The following LNP1 variants were observed in gnomAD, a reference collection of about 807,000 sequenced individuals.
LNP1 encodes the protein leukemia NUP98 fusion partner 1.
A neutral mutation model predicts 14.5 loss-of-function variants in LNP1; 12 were observed. The observed-to-expected ratio is 0.83, with a 90% confidence interval of 0.53 to 1.34. LNP1 has a LOEUF of 1.34. Ranked by LOEUF, LNP1 falls within the 40% of genes most tolerant of loss-of-function variation. LNP1 has a pLI of 0.00. For synonymous variants in LNP1, 75 were observed against 71.4 expected (o/e 1.05, Z -0.26); for missense variants, 198 against 210.9 (o/e 0.94, Z 0.38).
chr3:100,436,924 A>T (rs191839778), intron 2 of LNP1, among the ~76,000 whole-genome samples: 1 of 152,294 alleles, frequency 6.6e-6, no homozygotes, highest in East Asian at 1.9e-4. Flanking sequence ...ATATGCATTT[A>T]AAAAAGCAGT....
chr3:100,432,209 A>G (rs1451941082), intron 2 of LNP1, among the ~76,000 whole-genome samples: 1 of 151,372 alleles, frequency 6.6e-6, no homozygotes, highest in Non-Finnish European at 1.5e-5. Context: ...ATAATCTATA[A>G]CCATCAATAT....
chr3:100,435,828 T>G (rs867277897), intron 2 of LNP1, among the ~76,000 whole-genome samples: 2 of 152,210 alleles, frequency 1.3e-5, no homozygotes, highest in Non-Finnish European at 2.9e-5. Context: ...ATGTTCACTT[T>G]GGGATGGAGA....
At position 100,456,005 on chromosome 3, in the gene LNP1, G is replaced by T; in HGVS notation, c.*79G>T. 3.4e-6 allele frequency: 5 copies of T among 1,477,300 alleles called. No individual in the cohort carries two copies. Among genetic ancestry groups the T allele is most frequent in the South Asian group, 1.3e-5 (1 of 75,550 alleles). 91.5% of individuals were successfully genotyped at this position (1,477,300 alleles called of 1,614,324 possible). ...GAGCCCCAATTCACCATTTCAGGAT[G>T]TGGATGGGGGCGGGGTTGGGGGTAA... On this transcript the variant is annotated 3_prime_UTR_variant, in exon 4 of 4. Transcript: ENST00000383693.
chr3:100,406,306 G>A (rs1706965849), intron 1 of LNP1, among the ~76,000 whole-genome samples: 2 of 151,828 alleles, frequency 1.3e-5, no homozygotes, highest in African/African-American at 4.8e-5. Flanking sequence ...AAACCTCTCA[G>A]GTGTACACTT....
intron 1 of LNP1, among the ~76,000 whole-genome samples, chr3:100,409,591 C>CAT (rs1370879367): frequency 2.9e-4 from 28 of 95,006 alleles, no homozygotes; most frequent in Admixed American, 5.2e-4. Flanking sequence ...CACACACACA[C>CAT]ATATATATAT....
chr3:100,411,426 G>A (rs6780662), intron 1 of LNP1, among the ~76,000 whole-genome samples: 22,791 of 152,142 alleles, frequency 0.15, 3,154 homozygotes, highest in East Asian at 0.49. Context: ...AGCACATTAG[G>A]GTGGGATGAA....
chr3:100,444,463 T>C (rs1220126678), intron 2 of LNP1, among the ~76,000 whole-genome samples: 3 of 152,226 alleles, frequency 2.0e-5, no homozygotes, highest in African/African-American at 7.2e-5. Flanking sequence ...TATTTGATAA[T>C]GCTTCCTGTA....
intron 2 of LNP1, among the ~76,000 whole-genome samples, chr3:100,442,036 A>G (rs1707348634): frequency 6.6e-6 from 1 of 152,138 alleles, no homozygotes; most frequent in African/African-American, 2.4e-5. Context: ...TTTGCTTAGA[A>G]ATTCTTTCTC....
rs138298283 is a variant in LNP1, at chr3:100,442,935, A to G, written c.157-8784A>G. Among the ~76,000 whole-genome samples, 100 of 152,322 alleles carry G rather than the reference A, an allele frequency of 6.6e-4. 3 individuals carry two copies. In the East Asian group the frequency reaches 0.015, roughly 23 times the overall value. On this transcript the variant is annotated intron_variant, in intron 2 of 3. Transcript: ENST00000383693. ...AGCAAGTTGTGAAGTCTCATGTCCT[A>G]TGAAGAGAAAATAGGAGGAGGAAGG...
intron 1 of LNP1, among the ~76,000 whole-genome samples, chr3:100,408,098 A>G (rs746530254): frequency 9.9e-5 from 15 of 152,138 alleles, no homozygotes; most frequent in Admixed American, 6.5e-5. Context: ...TTTAGGGTCT[A>G]TGACTGGCAT....
chr3:100,433,190 A>G (rs1254777518), intron 2 of LNP1, among the ~76,000 whole-genome samples: 1 of 152,054 alleles, frequency 6.6e-6, no homozygotes, highest in Admixed American at 6.5e-5. Context: ...TGCATTAGGT[A>G]TTTGTCCTAA....
At chr3:100,418,128 C>T (rs1475754221) in intron 1 of LNP1, among the ~76,000 whole-genome samples, 1 of 146,544 alleles carries the variant, frequency 6.8e-6, no homozygotes, top group Non-Finnish European at 1.5e-5. Context: ...GGTGTGAGCT[C>T]GGCTCAATGC....
intron 1 of LNP1, among the ~76,000 whole-genome samples, chr3:100,407,957 A>T (rs907283605): frequency 1.3e-5 from 2 of 152,192 alleles, no homozygotes; most frequent in African/African-American, 4.8e-5. Flanking sequence ...TTTATCTGGT[A>T]AATTTCTCAT....
chr3:100,441,849 G>T (rs1248748440), intron 2 of LNP1, among the ~76,000 whole-genome samples: 1 of 151,910 alleles, frequency 6.6e-6, no homozygotes, highest in Non-Finnish European at 1.5e-5. Context: ...ATTTTTAGTA[G>T]AGACAGGGTT....
intron 2 of LNP1, among the ~76,000 whole-genome samples, chr3:100,437,693 T>C (rs9876856): frequency 0.014 from 2,162 of 152,300 alleles, 28 homozygotes; most frequent in African/African-American, 0.04. Flanking sequence ...TAAAATACTC[T>C]TCATATAAAA....
chr3:100,421,647 A>G (rs1025668433), intron 1 of LNP1, among the ~76,000 whole-genome samples: 1 of 152,186 alleles, frequency 6.6e-6, no homozygotes, highest in African/African-American at 2.4e-5. Flanking sequence ...ATTTTAAATA[A>G]TGTTATGTGA....
At chr3:100,450,861 T>A (rs1399897819) in intron 2 of LNP1, among the ~76,000 whole-genome samples, 1 of 152,084 alleles carries the variant, frequency 6.6e-6, no homozygotes, top group East Asian at 1.9e-4. Flanking sequence ...GCCTTCCTTG[T>A]TGGAAGCAAG....
At chr3:100,412,524 T>C (rs1006946380) in intron 1 of LNP1, among the ~76,000 whole-genome samples, 1 of 152,262 alleles carries the variant, frequency 6.6e-6, no homozygotes. Flanking sequence ...ATACTTTTTC[T>C]GGGACTTTCT....
At chr3:100,423,833 C>T (rs1048596935) in intron 1 of LNP1, among the ~76,000 whole-genome samples, 13 of 152,158 alleles carry the variant, frequency 8.5e-5, no homozygotes, top group Middle Eastern at 3.2e-3. Flanking sequence ...AAGCGCAGCT[C>T]CCTTTGGTAC....
Sources: gnomAD v4.1 joint callset for allele counts (sites outside exome capture counted in the v4.1 genomes callset) on GRCh38, gnomAD v4.1.1 for gene constraint, MANE v1.5 for transcripts, NCBI Gene and HGNC (gene_info 2026-07-23, HGNC 2026-07-21) for gene names.